MAST4: variants seen among roughly 807,000 people sequenced by gnomAD.
MAST4 encodes microtubule-associated serine/threonine-protein kinase 4.
In MAST4, 89 loss-of-function variants were observed where a neutral mutation model predicts 162.7. The observed-to-expected ratio is 0.55, with a 90% CI of 0.46 to 0.65. The LOEUF is 0.65. Ranked by LOEUF, MAST4 falls within the 30% of genes least tolerant of loss-of-function variation. The pLI, the probability that MAST4 is intolerant of heterozygous loss-of-function variation, is 0.00. For missense variants in MAST4, 3,153 were observed against 3,374.0 expected, an observed-to-expected ratio of 0.93 and a Z score of 1.62; for synonymous variants, 1,479 against 1,361.1, an observed-to-expected ratio of 1.09 and a Z score of -1.91.
At chr5:66,768,759 G>A (rs555609016) in intron 2 of MAST4, among the ~76,000 whole-genome samples, 15 of 152,164 alleles carry the variant, frequency 9.9e-5, no homozygotes, top group Non-Finnish European at 1.5e-4. Context: ...ATTGTACTAA[G>A]GTTTTTCAAG....
intron 3 of MAST4, among the ~76,000 whole-genome samples, chr5:66,825,047 A>G (rs1168321534): frequency 6.6e-6 from 1 of 152,048 alleles, no homozygotes; most frequent in South Asian, 2.1e-4. Context: ...TTTATAAACA[A>G]TATTTTTCTT....
At chr5:67,158,115 C>T (rs571023710) in intron 26 of MAST4, among the ~76,000 whole-genome samples, 2 of 151,970 alleles carry the variant, frequency 1.3e-5, no homozygotes, top group African/African-American at 4.8e-5. Context: ...ACAGGAAATA[C>T]TAAAATTTCA....
intron 4 of MAST4, among the ~76,000 whole-genome samples, chr5:66,994,996 C>T (rs934309051): frequency 6.6e-6 from 1 of 152,100 alleles, no homozygotes; most frequent in Non-Finnish European, 1.5e-5. Context: ...CAAATAATGA[C>T]ACATATATTC....
intron 4 of MAST4, among the ~76,000 whole-genome samples, chr5:67,013,585 A>G (rs1336676424): frequency 6.6e-6 from 1 of 152,124 alleles, no homozygotes; most frequent in Non-Finnish European, 1.5e-5. Flanking sequence ...AAGAGTCGTT[A>G]TTGGAATATT....
At chr5:67,112,632 C>T (rs926706022) in intron 11 of MAST4, among the ~76,000 whole-genome samples, 1 of 152,172 alleles carries the variant, frequency 6.6e-6, no homozygotes, top group Admixed American at 6.5e-5. Flanking sequence ...AAAAACTATA[C>T]AGATGATGAG....
At chr5:66,790,829 C>G (rs1455715200) in intron 3 of MAST4, among the ~76,000 whole-genome samples, 1 of 152,148 alleles carries the variant, frequency 6.6e-6, no homozygotes, top group African/African-American at 2.4e-5. Flanking sequence ...TTATTTTACT[C>G]TGATTATTTA....
At chr5:67,060,256 C>T (rs991417723) in intron 5 of MAST4, among the ~76,000 whole-genome samples, 1 of 152,142 alleles carries the variant, frequency 6.6e-6, no homozygotes, top group Non-Finnish European at 1.5e-5. Context: ...AATCTTGCAA[C>T]TCGTTCATTA....
chr5:67,015,999 C>A (rs932513763), intron 4 of MAST4, among the ~76,000 whole-genome samples: 1 of 152,044 alleles, frequency 6.6e-6, no homozygotes, highest in Non-Finnish European at 1.5e-5. Context: ...TTTTATGTGA[C>A]CAGGGCTATG....
intron 4 of MAST4, among the ~76,000 whole-genome samples, chr5:66,967,466 G>A (rs1455073311): frequency 6.6e-6 from 1 of 152,096 alleles, no homozygotes; most frequent in African/African-American, 2.4e-5. Context: ...ACCTTGCACT[G>A]CCATATGGAG....
intron 4 of MAST4, among the ~76,000 whole-genome samples, chr5:66,976,606 T>G (rs1414760506): frequency 6.6e-6 from 1 of 152,206 alleles, no homozygotes; most frequent in Non-Finnish European, 1.5e-5. Flanking sequence ...AACAATGTGT[T>G]TAATGCACAG....
At chr5:66,965,886 G>C (rs752762435) in intron 4 of MAST4, among the ~76,000 whole-genome samples, 1 of 152,082 alleles carries the variant, frequency 6.6e-6, no homozygotes, top group Non-Finnish European at 1.5e-5. Flanking sequence ...CTGAGGAAAC[G>C]TACCTTATCA....
intron 3 of MAST4, among the ~76,000 whole-genome samples, chr5:66,820,154 T>C (rs7725568): frequency 0.65 from 98,443 of 151,814 alleles, 32,585 homozygotes; most frequent in Non-Finnish European, 0.72. Flanking sequence ...ATAGCCTGAA[T>C]GTGCTTTTCT....
At chr5:66,765,938 G>A (rs951328285) in intron 2 of MAST4, among the ~76,000 whole-genome samples, 3 of 152,192 alleles carry the variant, frequency 2.0e-5, no homozygotes, top group Middle Eastern at 3.2e-3. Context: ...AGAGGCTGAT[G>A]TGTTTCCTGT....
At chr5:66,805,924 A>C (rs1227650806) in intron 3 of MAST4, among the ~76,000 whole-genome samples, 1 of 152,126 alleles carries the variant, frequency 6.6e-6, no homozygotes, top group Non-Finnish European at 1.5e-5. Context: ...ATGAAGGGAG[A>C]GACCAAGCTT....
rs1403672628 is a variant in MAST4 at position 66,662,489 on chromosome 5, G to A, written c.363+65471G>A. 2.0e-5 allele frequency: 3 copies of A among 152,044 alleles called. No individual in the cohort carries two copies. In the East Asian group the frequency reaches 5.8e-4, roughly 29 times the overall value. 9.4% of individuals were successfully genotyped at this position (152,044 alleles called of 1,614,324 possible). ...CCTTTTTATTTTCTAATTAAGTATTGTAATACAGTCAAGGATTTTAGTTCT... is the reference window on the plus strand; with the variant it reads ...CCTTTTTATTTTCTAATTAAGTATTATAATACAGTCAAGGATTTTAGTTCT... On this transcript the variant is annotated intron_variant, in intron 1 of 28. Transcript: ENST00000403625.
chr5:66,887,946 C>T (rs1468594535), intron 3 of MAST4, among the ~76,000 whole-genome samples: 18 of 152,020 alleles, frequency 1.2e-4, no homozygotes, highest in African/African-American at 4.1e-4. Context: ...CGGTGGCTCA[C>T]GCCTGTAATC....
chr5:67,161,530 T>C (rs938883238), intron 27 of MAST4, among the ~76,000 whole-genome samples: 1 of 152,164 alleles, frequency 6.6e-6, no homozygotes, highest in Non-Finnish European at 1.5e-5. Context: ...TCATCTTTCA[T>C]AGTAGAAAAT....
At chr5:66,687,638 A>ATCTG (rs1463001739) in intron 1 of MAST4, among the ~76,000 whole-genome samples, 6 of 12,060 alleles carry the variant, frequency 5.0e-4, no homozygotes, top group Admixed American at 4.2e-3. Flanking sequence ...GTGTGTGTTT[A>ATCTG]TCTATCTATC....
At chr5:66,698,432 C>G (rs1382075718) in intron 1 of MAST4, among the ~76,000 whole-genome samples, 1 of 151,806 alleles carries the variant, frequency 6.6e-6, no homozygotes, top group African/African-American at 2.4e-5. Context: ...CCTGGCTGTC[C>G]TACCCCCTTG....
Sources: gnomAD v4.1 joint callset for allele counts (sites outside exome capture counted in the v4.1 genomes callset) on GRCh38, gnomAD v4.1.1 for gene constraint, MANE v1.5 for transcripts, NCBI Gene and HGNC (gene_info 2026-07-23, HGNC 2026-07-21) for gene names.